Variants in GRAP2 observed in about 807,000 individuals in gnomAD.
The protein encoded by GRAP2 is GRB2-related adapter protein 2.
GRAP2 carries 31 observed loss-of-function variants against 43.5 expected under a neutral mutation model. The observed-to-expected ratio is 0.71, with a 90% CI of 0.54 to 0.96. The LOEUF (loss-of-function observed/expected upper bound fraction) is 0.96, where lower values mean the gene tolerates loss of function less well. Among genes scored for constraint, GRAP2 ranks in the 40% least tolerant of loss-of-function variants. The pLI, the probability that GRAP2 is intolerant of heterozygous loss-of-function variation, is 0.00. For synonymous variants in GRAP2, 156 were observed against 164.8 expected, an observed-to-expected ratio of 0.95 and a Z score of 0.41; for missense variants, 371 against 424.4, an observed-to-expected ratio of 0.87 and a Z score of 1.11.
intron 1 of GRAP2, among the ~76,000 whole-genome samples, chr22:39,923,168 G>A (rs938677869): frequency 6.6e-6 from 1 of 152,150 alleles, no homozygotes; most frequent in Non-Finnish European, 1.5e-5. Flanking sequence ...CAGATTTCTG[G>A]CCTGGATAAC....
At chr22:39,905,281 T>G (rs555608954) in intron 1 of GRAP2, among the ~76,000 whole-genome samples, 1 of 152,304 alleles carries the variant, frequency 6.6e-6, no homozygotes, top group Admixed American at 6.5e-5. Flanking sequence ...TATATATTTT[T>G]AATACGCTTT....
At chr22:39,905,726 G>A (rs1004263314) in intron 1 of GRAP2, among the ~76,000 whole-genome samples, 2 of 152,128 alleles carry the variant, frequency 1.3e-5, no homozygotes, top group Non-Finnish European at 2.9e-5. Context: ...ACTGAGGTAC[G>A]GAGAGGTCTA....
At chr22:39,954,116 A>G (rs1323668972) in intron 2 of GRAP2, among the ~76,000 whole-genome samples, 1 of 152,232 alleles carries the variant, frequency 6.6e-6, no homozygotes, top group Non-Finnish European at 1.5e-5. Flanking sequence ...TTCGTTGCCA[A>G]GGCAAGTGGT....
chr22:39,956,957 G>A (rs1245191843), intron 3 of GRAP2, among the ~76,000 whole-genome samples: 1 of 152,006 alleles, frequency 6.6e-6, no homozygotes, highest in Non-Finnish European at 1.5e-5. Flanking sequence ...CACTCAGTGG[G>A]TGGACAGACA....
chr22:39,934,134 T>G (rs932827823), intron 1 of GRAP2, among the ~76,000 whole-genome samples: 1 of 152,194 alleles, frequency 6.6e-6, no homozygotes, highest in African/African-American at 2.4e-5. Flanking sequence ...TTCTTTTTCC[T>G]GTGGGGTTAT....
intron 6 of GRAP2, among the ~76,000 whole-genome samples, chr22:39,969,068 C>T (rs893409922): frequency 6.6e-6 from 1 of 152,182 alleles, no homozygotes; most frequent in Non-Finnish European, 1.5e-5. Context: ...GCTCACTTAC[C>T]ACTTAAATGT....
chr22:39,964,613 C>T (rs570284288), intron 4 of GRAP2: 130 of 716,246 alleles, frequency 1.8e-4, no homozygotes, highest in South Asian at 1.8e-3. Context: ...TTATTTCATC[C>T]GTATTTAAAC....
intron 3 of GRAP2, among the ~76,000 whole-genome samples, chr22:39,958,326 C>T (rs1470672914): frequency 6.6e-6 from 1 of 152,182 alleles, no homozygotes; most frequent in Admixed American, 6.5e-5. Flanking sequence ...TAATCTCCCA[C>T]CCACAGCGCC....
At chr22:39,961,301 G>A (rs1046393500) in intron 4 of GRAP2, among the ~76,000 whole-genome samples, 8 of 152,058 alleles carry the variant, frequency 5.3e-5, no homozygotes, top group South Asian at 2.1e-4. Context: ...AAAGAGGAGC[G>A]GGAGACAGGA....
the GRAP2 span, among the ~76,000 whole-genome samples, chr22:39,895,024 T>G: frequency 6.6e-6 from 1 of 152,172 alleles, no homozygotes; most frequent in Non-Finnish European, 1.5e-5. Flanking sequence ...TGAGCCAGCC[T>G]ATTATCTTGG....
intron 1 of GRAP2, among the ~76,000 whole-genome samples, chr22:39,934,154 A>G (rs1302732361): frequency 6.6e-6 from 1 of 152,190 alleles, no homozygotes; most frequent in African/African-American, 2.4e-5. Context: ...TTAGAGTGAC[A>G]TATAAGAAAA....
intron 6 of GRAP2, chr22:39,968,576 C>A: frequency 2.2e-6 from 1 of 460,838 alleles, no homozygotes; most frequent in Non-Finnish European, 3.8e-6. Flanking sequence ...CAGCACAATT[C>A]CAAATCTATT....
intron 1 of GRAP2, among the ~76,000 whole-genome samples, chr22:39,936,589 GA>G (rs2066808852): frequency 6.6e-6 from 1 of 152,064 alleles, no homozygotes; most frequent in Admixed American, 6.6e-5. Context: ...CAAGGAGAAA[GA>G]AAAGAACTTG....
At chr22:39,921,593 A>G (rs565955572) in intron 1 of GRAP2, among the ~76,000 whole-genome samples, 39 of 152,346 alleles carry the variant, frequency 2.6e-4, no homozygotes, top group Admixed American at 7.8e-4. Context: ...ATTAAAAACC[A>G]TTATTAAGTC....
chr22:39,934,446 C>T (rs1315379253), intron 1 of GRAP2, among the ~76,000 whole-genome samples: 1 of 151,994 alleles, frequency 6.6e-6, no homozygotes, highest in Non-Finnish European at 1.5e-5. Flanking sequence ...AAAACAAAAA[C>T]CAAAAAGGCA....
intron 1 of GRAP2, among the ~76,000 whole-genome samples, chr22:39,903,864 T>G (rs927295001): frequency 2.0e-5 from 3 of 152,166 alleles, no homozygotes; most frequent in Non-Finnish European, 4.4e-5. Flanking sequence ...GATCAATTAC[T>G]ATATGCCAGG....
chr22:39,904,660 C>T (rs2066512293), intron 1 of GRAP2, among the ~76,000 whole-genome samples: 1 of 152,182 alleles, frequency 6.6e-6, no homozygotes, highest in Non-Finnish European at 1.5e-5. Flanking sequence ...AGAGGATAAA[C>T]AGTAAGTCCT....
intron 4 of GRAP2, chr22:39,964,417 C>T (rs1297948549): frequency 6.0e-6 from 5 of 835,090 alleles, no homozygotes; most frequent in Non-Finnish European, 1.0e-5. Flanking sequence ...ACTGAAACAG[C>T]CCAAGAAGCA....
At chr22:39,927,522 A>G (rs2066716950) in intron 1 of GRAP2, among the ~76,000 whole-genome samples, 1 of 152,230 alleles carries the variant, frequency 6.6e-6, no homozygotes, top group Non-Finnish European at 1.5e-5. Context: ...AGATTTCAAA[A>G]TGCAGGCTGC....
Sources: gnomAD v4.1 joint callset for allele counts (sites outside exome capture counted in the v4.1 genomes callset) on GRCh38, gnomAD v4.1.1 for gene constraint, MANE v1.5 for transcripts, NCBI Gene and HGNC (gene_info 2026-07-23, HGNC 2026-07-21) for gene names.